Variants in CTRC observed in about 807,000 individuals in gnomAD.
CTRC encodes chymotrypsin-C.
A neutral mutation model predicts 35.7 loss-of-function variants in CTRC; 32 were observed. The ratio of observed to expected loss-of-function variants is 0.90; its 90% CI spans 0.68 to 1.20. CTRC has a LOEUF of 1.20. Ranked by LOEUF, CTRC falls within the 50% of genes most tolerant of loss-of-function variation. The pLI, the probability that CTRC is intolerant of heterozygous loss-of-function variation, is 0.00. For synonymous variants in CTRC, 119 were observed against 149.5 expected (o/e 0.80, Z 1.49); for missense variants, 324 against 361.5 (o/e 0.90, Z 0.84).
rs568012522 is a variant in CTRC at position 15,446,904 on chromosome 1, G to A, written c.*315G>A. ...GCCGGAGGGGATGGGAGTGAAGGACGCATCAGACACCTTCCCCGCTCCATC... is the reference window on the plus strand; with the variant it reads ...GCCGGAGGGGATGGGAGTGAAGGACACATCAGACACCTTCCCCGCTCCATC... On this transcript the variant is annotated 3_prime_UTR_variant, in exon 8 of 8. Transcript: ENST00000375949. 1.8e-5 allele frequency: 9 copies of A among 504,468 alleles called. No individual in the cohort carries two copies. The highest frequency in any genetic ancestry group is 3.2e-5 in the Admixed American group (1 of 31,126). The allele number at this position is 504,468 out of a possible 1,614,324, so 31.2% of individuals were successfully genotyped here. A position where few individuals can be genotyped will look rare whatever the true frequency, so the allele number is the denominator to read the frequency against.
chr1:15,444,532 T>C, intron 5 of CTRC, 74 bp from the exon 6 acceptor site: 1 of 1,588,170 alleles, frequency 6.3e-7, no homozygotes. Flanking sequence ...AGGCATCTGC[T>C]CCCTGAAGGC....
chr1:15,440,596 C>T lies in CTRC; in HGVS notation c.230+6C>T, dbSNP rs1331333297. ...ACTGCCGCCCACTGCATCAGGTGTGCGGGGATGATACCCTGAGACCTGGCC... is the reference window on the plus strand; with the variant it reads ...ACTGCCGCCCACTGCATCAGGTGTGTGGGGATGATACCCTGAGACCTGGCC... On this transcript the variant is annotated splice_donor_region_variant and intron_variant, in intron 3 of 7. Coordinates refer to ENST00000375949, the MANE Select transcript of CTRC (RefSeq NM_007272.3). 1.5e-5 allele frequency: 24 copies of T among 1,613,176 alleles called. No individual in the cohort carries two copies. Among genetic ancestry groups the T allele is most frequent in the Admixed American group, 3.3e-5 (2 of 59,936 alleles).
At position 15,442,665 on chromosome 1, in the gene CTRC, C is replaced by A. The variant is rs528597645; in HGVS notation, c.356+93C>A. 138 of 1,538,418 alleles carry A rather than the reference C, an allele frequency of 9.0e-5. 1 individual carries two copies. The African/African-American group carries it at 1.5e-3, about 17-fold the overall frequency. ...GCCGCAGAGCCTGTCGCACCCCATA[C>A]CTGACACCCCATCCTCACCCTGGAA... On this transcript the variant is annotated intron_variant, in intron 4 of 7. Transcript: ENST00000375949.
chr1:15,441,783 C>T (rs1165811221), intron 3 of CTRC, among the ~76,000 whole-genome samples: 1 of 151,730 alleles, frequency 6.6e-6, no homozygotes, highest in East Asian at 1.9e-4. Context: ...AAGCAATCCT[C>T]CCACCTTAGC....
At position 15,440,327 on chromosome 1, in the gene CTRC, C is replaced by A; in HGVS notation, c.68C>A (p.Pro23Gln). ...TCCAGCTGTGGGGTGCCCAGCTTCCCGCCCAACCTATCCGCCCGAGTGGTG... is the reference window on the plus strand; with the variant it reads ...TCCAGCTGTGGGGTGCCCAGCTTCCAGCCCAACCTATCCGCCCGAGTGGTG... ...CASSCGVPSF[P>Q]PNLSARVVGG... Residue 23 changes from proline (P) to glutamine (Q), a missense_variant, in exon 2 of 8, where the codon CCG becomes CAG. Physicochemically the swap from Pro to Gln is moderately conservative, Grantham distance 76. Coordinates refer to ENST00000375949, the MANE Select transcript of CTRC (RefSeq NM_007272.3). 1.2e-6 allele frequency: 2 copies of A among 1,610,078 alleles called. No homozygotes were observed. The highest frequency in any genetic ancestry group is 8.5e-7 in the Non-Finnish European group (1 of 1,179,024).
In CTRC at chr1:15,444,681, A is replaced by G. The variant is rs765613993; in HGVS notation, c.569A>G (p.Asp190Gly). The change falls in exon 6 of 8, where the codon GAC becomes GGC. Residue 190 changes from aspartate to glycine, a missense_variant. Transcript: ENST00000375949. The stretch of plus-strand genomic sequence containing the variant: ...GATCACGCCACGTGCTCCAGGATTG[A>G]CTGGTGGGGCTTCAGGGTGAAGAAA... ...VVDHATCSRI[D>G]WWGFRVKKTM... 62 of 1,614,072 alleles carry G rather than the reference A, an allele frequency of 3.8e-5. No homozygotes were observed. The highest frequency in any genetic ancestry group is 1.6e-4 in the Middle Eastern group (1 of 6,084).
chr1:15,445,483 C>G, intron 6 of CTRC, 114 bp from the exon 7 acceptor site: 2 of 1,099,588 alleles, frequency 1.8e-6, no homozygotes, highest in Non-Finnish European at 2.7e-6. Context: ...CCAAATCTGT[C>G]CACTAACTAA....
In CTRC at chr1:15,446,658, G is replaced by A; in HGVS notation, c.*69G>A. On this transcript the variant is annotated 3_prime_UTR_variant, in exon 8 of 8. Coordinates refer to ENST00000375949, the MANE Select transcript of CTRC (RefSeq NM_007272.3). ...AAACTTCCTTCTCCTCGGGCCACCT[G>A]GATCCTTGATTTGTGCAGCTTCTGT... 3.2e-6 allele frequency: 5 copies of A among 1,571,712 alleles called. No individual in the cohort carries two copies. The South Asian group carries it at 4.4e-5, about 14-fold the overall frequency.
In CTRC at chr1:15,442,456, G is replaced by T. The variant is rs1452120731; in HGVS notation, c.240G>T (p.Arg80=). The T allele has an allele frequency of 6.2e-7, 1 of 1,613,280 alleles. No homozygotes were observed. Residue 80 remains arginine, a synonymous_variant, in exon 4 of 8, where the codon CGG becomes CGT. Transcript: ENST00000375949. ...LTAAHCISNT[R]TYRVAVGKNN... is the part of the protein sequence containing the mutation. ...CCCTTCCTCTGCCCAGCAACACCCGGACCTACCGTGTGGCCGTGGGAAAGA... is the reference window on the plus strand; with the variant it reads ...CCCTTCCTCTGCCCAGCAACACCCGTACCTACCGTGTGGCCGTGGGAAAGA...
intron 7 of CTRC, 87 bp downstream of exon 7, chr1:15,445,836 GTTTATTCATTCATTCA>G (rs1244895905): frequency 6.8e-7 from 1 of 1,474,588 alleles, no homozygotes; most frequent in Non-Finnish European, 9.4e-7. Context: ...TCATTCATGC[GTTTATTCATTCATTCA>G]TTTATTCACT....
rs1257137192 is a variant in CTRC, at chr1:15,446,558, G to C, written c.793-17G>C. On this transcript the variant is annotated splice_polypyrimidine_tract_variant and intron_variant, in intron 7 of 7. Transcript: ENST00000375949. ...GGCACAGCCCTGAGTCTCTCACACTGTTCTCTGCTCCTCCAGAAAATGCAG... is the reference window on the plus strand; with the variant it reads ...GGCACAGCCCTGAGTCTCTCACACTCTTCTCTGCTCCTCCAGAAAATGCAG... The C allele has an allele frequency of 1.2e-6, 2 of 1,614,070 alleles. No homozygotes were observed. Among genetic ancestry groups the C allele is most frequent in the East Asian group, 2.2e-5 (1 of 44,890 alleles).
intron 7 of CTRC, among the ~76,000 whole-genome samples, 164 bp downstream of exon 7, chr1:15,445,913 T>G (rs1708212608): frequency 6.6e-6 from 1 of 152,252 alleles, no homozygotes; most frequent in African/African-American, 2.4e-5. Context: ...TATTCACTTA[T>G]TCAGTCACTC....
rs890047179 is a variant in CTRC, at chr1:15,438,510, C to T, written c.40+6C>T. ...CGCTGCGCTCTTGGCCTGTGGTAAG[C>T]GGTGGGGTGGGGCTGCAGCTAGCAG... On this transcript the variant is annotated splice_donor_region_variant and intron_variant, in intron 1 of 7. Transcript: ENST00000375949. 11 of 1,613,748 alleles carry T rather than the reference C, an allele frequency of 6.8e-6. No homozygotes were observed. Among genetic ancestry groups the T allele is most frequent in the African/African-American group, 4.0e-5 (3 of 74,864 alleles).
Position 15,446,853 on chromosome 1 carries a change from GGA to G in CTRC, c.*268_*269del, listed in dbSNP as rs1210796255. ...TTAATGGGAGGCAGGGGGCTGGGGTGGAGAGCCCAGGGAGTCCTGCGTGAAGC... is the reference window on the plus strand; with the variant it reads ...TTAATGGGAGGCAGGGGGCTGGGGTGGAGCCCAGGGAGTCCTGCGTGAAGC... On this transcript the variant is annotated 3_prime_UTR_variant, in exon 8 of 8. Transcript: ENST00000375949. The G allele has an allele frequency of 1.7e-6, 1 of 590,422 alleles. No individual in the cohort carries two copies. Among genetic ancestry groups the G allele is most frequent in the Admixed American group, 2.7e-5 (1 of 37,216 alleles). 36.6% of individuals were successfully genotyped at this position (590,422 alleles called of 1,614,324 possible).
rs1708202233 is a variant in CTRC at position 15,445,535 on chromosome 1, T to C, written c.640-62T>C. 3.8e-6 allele frequency: 6 copies of C among 1,579,394 alleles called. No individual in the cohort carries two copies. In the East Asian group the frequency reaches 1.3e-4, roughly 35 times the overall value. On this transcript the variant is annotated intron_variant, in intron 6 of 7. Transcript: ENST00000375949. ...CACATCCCCCACCCCAACCCAGTCC[T>C]GCTTCCCAAGACTTCCTCTGGGGGG... is the stretch of plus-strand genomic sequence containing the variant.
chr1:15,438,587 G>A (rs1708077744), intron 1 of CTRC, 83 bp downstream of exon 1: 2 of 1,490,622 alleles, frequency 1.3e-6, no homozygotes, highest in South Asian at 1.1e-5. Flanking sequence ...GGAGTGGGGG[G>A]GCCTCTGCTC....
Position 15,443,552 on chromosome 1 carries a change from T to C in CTRC, c.490T>C (p.Trp164Arg). ...PCYVTGWGRL[W>R]TNGPIADKLQ... ...CTATGTCACCGGCTGGGGCCGCCTC[T>C]GGAGTGAGTATCGTCCCTGGCAAAT... Residue 164 changes from tryptophan to arginine, a missense_variant, in exon 5 of 8, where the codon TGG becomes CGG. Physicochemically the swap from Trp to Arg is moderately radical, Grantham distance 101 (BLOSUM62 -3). Coordinates refer to ENST00000375949, the MANE Select transcript of CTRC (RefSeq NM_007272.3). The C allele has an allele frequency of 6.2e-7, 1 of 1,614,202 alleles. No individual in the cohort carries two copies. Among genetic ancestry groups the C allele is most frequent in the Non-Finnish European group, 8.5e-7 (1 of 1,180,022 alleles).
chr1:15,442,558 T>G lies in CTRC; in HGVS notation c.342T>G (p.Asn114Lys). ...VDTIHVHKRWNALLLRNDIAL... is the reference protein window; with the variant it reads ...VDTIHVHKRWKALLLRNDIAL... ...CCATCCACGTCCACAAGAGATGGAA[T>G]GCCCTCCTGTTGCGGTGAGTGACAG... The change falls in exon 4 of 8, where the codon AAT becomes AAG. Residue 114 changes from asparagine (N) to lysine (K), a missense_variant. Coordinates refer to ENST00000375949, the MANE Select transcript of CTRC (RefSeq NM_007272.3). The G allele has an allele frequency of 6.2e-7, 1 of 1,614,106 alleles. No homozygotes were observed. The highest frequency in any genetic ancestry group is 8.5e-7 in the Non-Finnish European group (1 of 1,179,972).
chr1:15,443,325 G>A (rs930749191), intron 4 of CTRC, 94 bp from the exon 5 acceptor site: 2 of 1,502,508 alleles, frequency 1.3e-6, no homozygotes, highest in Middle Eastern at 1.9e-4. Flanking sequence ...GAGCACCCTG[G>A]GCCTGACTCC....
Sources: gnomAD v4.1 joint callset for allele counts (sites outside exome capture counted in the v4.1 genomes callset) on GRCh38, gnomAD v4.1.1 for gene constraint, MANE v1.5 for transcripts, NCBI Gene and HGNC (gene_info 2026-07-23, HGNC 2026-07-21) for gene names.